Variants in IL4I1 observed in about 807,000 individuals in gnomAD.
IL4I1 encodes the protein L-amino-acid oxidase.
IL4I1 carries 24 observed loss-of-function variants against 29.7 expected under a neutral mutation model. The observed-to-expected ratio is 0.81, with a 90% CI of 0.59 to 1.14. The LOEUF (loss-of-function observed/expected upper bound fraction) is 1.14. Ranked by LOEUF, IL4I1 falls within the 50% of genes most tolerant of loss-of-function variation. IL4I1 has a pLI of 0.00. For missense variants in IL4I1, 686 were observed against 785.6 expected (o/e 0.87, Z 1.52); for synonymous variants, 371 against 352.5 (o/e 1.05, Z -0.59).
chr19:49,911,960 G>C (rs1030627048), intron 2 of IL4I1, among the ~76,000 whole-genome samples: 2 of 152,190 alleles, frequency 1.3e-5, no homozygotes, highest in Non-Finnish European at 2.9e-5. Context: ...CCTCAAGCCG[G>C]TGTGTTGTTA....
intron 6 of IL4I1, 142 bp downstream of exon 6, chr19:49,891,262 AG>A (rs2075134803): frequency 2.8e-6 from 4 of 1,404,504 alleles, no homozygotes; most frequent in African/African-American, 1.4e-5. Flanking sequence ...AGGTCCAGAC[AG>A]GGGGCGTGTC....
chr19:49,920,398 C>T (rs889206926), intron 2 of IL4I1, among the ~76,000 whole-genome samples: 3 of 152,100 alleles, frequency 2.0e-5, no homozygotes, highest in East Asian at 1.9e-4. Context: ...TTCTTTTTAG[C>T]GTGATGAAAA....
Position 49,891,042 on chromosome 19 carries a change from G to A in IL4I1, c.702C>T (p.Ser234=), listed in dbSNP as rs138503884. 3.7e-6 allele frequency: 6 copies of A among 1,612,292 alleles called. No individual in the cohort carries two copies. The highest frequency in any genetic ancestry group is 4.2e-6 in the Non-Finnish European group (5 of 1,179,736). Residue 234 remains serine (S), a synonymous_variant, in exon 7 of 8, where the codon TCC becomes TCT. Transcript: ENST00000391826. ...PAVQLLGDVM[S]EDGFFYLSFA... ...AGCTGAGATAGAAGAAGCCATCCTC[G>A]GACATCACGTCTCCCAGAAGCTGCA...
At chr19:49,912,486 T>G (rs1265089090) in intron 2 of IL4I1, among the ~76,000 whole-genome samples, 2 of 152,100 alleles carry the variant, frequency 1.3e-5, no homozygotes, top group Non-Finnish European at 2.9e-5. Context: ...CACCATTTAT[T>G]AAGTGCCACA....
chr19:49,891,192 C>A, intron 6 of IL4I1, 85 bp from the exon 7 acceptor site: 1 of 1,541,554 alleles, frequency 6.5e-7, no homozygotes, highest in Non-Finnish European at 8.8e-7. Context: ...CTCCTGGTCC[C>A]ATGACATGTC....
chr19:49,906,293 C>T (rs2075322818), intron 2 of IL4I1, among the ~76,000 whole-genome samples: 1 of 152,190 alleles, frequency 6.6e-6, no homozygotes. Context: ...ACTGCAGCCT[C>T]AAAGGCCTGG....
chr19:49,914,902 G>A (rs188040304), intron 2 of IL4I1, among the ~76,000 whole-genome samples: 122 of 151,740 alleles, frequency 8.0e-4, no homozygotes, highest in African/African-American at 2.4e-3. Context: ...ACCATGCCCA[G>A]CTAATTTTTG....
chr19:49,909,207 C>T, intron 2 of IL4I1: 1 of 1,614,098 alleles, frequency 6.2e-7, no homozygotes, highest in Non-Finnish European at 8.5e-7. Flanking sequence ...TGTGTGGCAC[C>T]TGCTGTGGTG....
At chr19:49,918,676 G>C (rs747435455) in intron 2 of IL4I1, 2 of 152,128 alleles carry the variant, frequency 1.3e-5, no homozygotes, top group East Asian at 3.8e-4. Context: ...TCAGCTCCTC[G>C]GGGGAGAAGC....
chr19:49,894,308 C>A lies in IL4I1; in HGVS notation c.527G>T (p.Gly176Val), dbSNP rs1449094603. The A allele has an allele frequency of 6.2e-7, 1 of 1,614,174 alleles. No homozygotes were observed. The highest frequency in any genetic ancestry group is 1.6e-4 in the Middle Eastern group (1 of 6,062). Residue 176 changes from glycine (G) to valine (V), a missense_variant, in exon 5 of 8, where the codon GGC becomes GTC. Gly to Val is a moderately radical substitution (Grantham distance 109). Coordinates refer to ENST00000391826, the MANE Select transcript of IL4I1 (RefSeq NM_152899.2). The stretch of plus-strand genomic sequence containing the variant: ...CTGGTAGATGTCTTCGGGCGAGTGG[C>A]CCTTTTCCTGGGGACGCAAGGCGTA... Reference protein sequence around the residue: ...LGYALRPQEKGHSPEDIYQMA... With the variant: ...LGYALRPQEKVHSPEDIYQMA...
At chr19:49,895,777 G>A in intron 3 of IL4I1, 38 bp downstream of exon 3, 3 of 1,396,934 alleles carry the variant, frequency 2.1e-6, no homozygotes, top group Non-Finnish European at 2.9e-6. Context: ...GCCTGCAGCA[G>A]GAGGGACTCC....
intron 5 of IL4I1, among the ~76,000 whole-genome samples, chr19:49,893,349 C>T (rs2075162660): frequency 6.9e-6 from 1 of 144,164 alleles, no homozygotes; most frequent in Non-Finnish European, 1.5e-5. Flanking sequence ...AGGGCACAAG[C>T]GTCAGGCGGC....
intron 2 of IL4I1, chr19:49,908,289 C>G: frequency 6.2e-7 from 1 of 1,613,992 alleles, no homozygotes; most frequent in Non-Finnish European, 8.5e-7. Flanking sequence ...CGCCGGCCCT[C>G]GCACACCTTG....
intron 2 of IL4I1, among the ~76,000 whole-genome samples, chr19:49,925,597 C>G (rs973685363): frequency 6.6e-6 from 1 of 152,152 alleles, no homozygotes; most frequent in Admixed American, 6.5e-5. Context: ...CAAGGAAAGT[C>G]TAAAACCAGT....
chr19:49,890,618 C>T lies in IL4I1; in HGVS notation c.774-18G>A. On this transcript the variant is annotated intron_variant, in intron 7 of 7. Coordinates refer to ENST00000391826, the MANE Select transcript of IL4I1 (RefSeq NM_152899.2). ...GGCTGTACCTGCAGGCGGGGCGGGG[C>T]GGGGTGGGGGCGTGACCTGGGCTCT... 2 of 1,000,990 alleles carry T rather than the reference C, an allele frequency of 2.0e-6. No homozygotes were observed. Among genetic ancestry groups the T allele is most frequent in the Non-Finnish European group, 2.8e-6 (2 of 705,884 alleles). The allele number at this position is 1,000,990 out of a possible 1,614,324, so 62.0% of individuals were successfully genotyped here.
upstream of IL4I1, chr19:49,901,737 G>C: frequency 6.6e-7 from 1 of 1,510,170 alleles, no homozygotes; most frequent in Non-Finnish European, 8.9e-7. Context: ...CAAGGTGAAT[G>C]ATGGTGGCTT....
chr19:49,919,753 CAGCCAGAGAGAGATTTTAAGGAAGATTCT>C (rs566141421), intron 2 of IL4I1, among the ~76,000 whole-genome samples: 143 of 152,246 alleles, frequency 9.4e-4, no homozygotes, highest in African/African-American at 3.2e-3. Flanking sequence ...AGTTAGGAAA[CAGCCAGAGAGAGATTTTAAGGAAGATTCT>C]AGAACCACCG....
intron 2 of IL4I1, among the ~76,000 whole-genome samples, chr19:49,916,592 T>C (rs897014784): frequency 7.2e-5 from 11 of 152,012 alleles, no homozygotes; most frequent in Non-Finnish European, 1.2e-4. Flanking sequence ...AAACCCCGTC[T>C]GCACTAAAAA....
intron 3 of IL4I1, among the ~76,000 whole-genome samples, chr19:49,895,418 C>G (rs959821917): frequency 3.9e-5 from 6 of 152,158 alleles, no homozygotes. Flanking sequence ...TCGGGGAGTT[C>G]GGAGATGACC....
Sources: allele counts gnomAD v4.1 joint callset (sites outside exome capture counted in the v4.1 genomes callset), GRCh38; gene constraint gnomAD v4.1.1; transcripts MANE v1.5; gene names NCBI Gene and HGNC (gene_info 2026-07-23, HGNC 2026-07-21).